Variants in DISP1 observed in about 807,000 individuals in gnomAD.
The protein encoded by DISP1 is dispatched RND transporter family member 1, also known as protein dispatched homolog 1.
A neutral mutation model predicts 37.3 loss-of-function variants in DISP1; 30 were observed. The ratio of observed to expected loss-of-function variants is 0.80; its 90% confidence interval spans 0.60 to 1.09. The LOEUF is 1.09. DISP1 is among the 50% of genes least tolerant of loss of function. The pLI, the probability that DISP1 is intolerant of heterozygous loss-of-function variation, is 0.00. For missense variants in DISP1, 1,598 were observed against 1,879.5 expected, an observed-to-expected ratio of 0.85 and a Z score of 2.77; for synonymous variants, 634 against 690.2, an observed-to-expected ratio of 0.92 and a Z score of 1.28.
At chr1:222,867,582 T>C (rs866242503) in intron 1 of DISP1, among the ~76,000 whole-genome samples, 4 of 152,174 alleles carry the variant, frequency 2.6e-5, no homozygotes, top group Non-Finnish European at 2.9e-5. Flanking sequence ...TATATTATCA[T>C]TGACTTCAGT....
chr1:222,994,276 G>A (rs1417098811), intron 7 of DISP1, among the ~76,000 whole-genome samples: 2 of 152,202 alleles, frequency 1.3e-5, no homozygotes, highest in African/African-American at 4.8e-5. Flanking sequence ...GACCATGCAT[G>A]CTCTTTCTGG....
At chr1:222,998,080 T>A (rs1227456543) in intron 8 of DISP1, among the ~76,000 whole-genome samples, 1 of 152,086 alleles carries the variant, frequency 6.6e-6, no homozygotes, top group African/African-American at 2.4e-5. Context: ...AATATATTCA[T>A]CTGATATCTT....
intron 4 of DISP1, among the ~76,000 whole-genome samples, chr1:222,983,436 G>A (rs1396171802): frequency 6.6e-6 from 1 of 152,024 alleles, no homozygotes; most frequent in Non-Finnish European, 1.5e-5. Context: ...GGCCAACATG[G>A]CAAAACCCCA....
chr1:222,829,051 A>G lies in DISP1; in HGVS notation c.-159+13973A>G, dbSNP rs139143403. ...ACTCTTTCATTTAGAGTCATAAGAA[A>G]TAAACTATTTGTTTGATGAAGAAGC... On this transcript the variant is annotated intron_variant, in intron 1 of 8. Coordinates refer to ENST00000675850, the MANE Select transcript of DISP1 (RefSeq NM_001377229.1). 4.4e-3 allele frequency among the ~76,000 whole-genome samples: 670 copies of G among 152,338 alleles called. 5 individuals are homozygous for G. The highest frequency in any genetic ancestry group is 0.015 in the African/African-American group (631 of 41,576).
rs763645744 is a variant in DISP1 at position 223,005,160 on chromosome 1, C to T, written c.3763C>T (p.Pro1255Ser). ...CGCTGGCTCTGCCTTGTTACAGCCC[C>T]CTCTTGAACAGCATACCGTGTGTCA... is the stretch of plus-strand genomic sequence containing the variant. ...SDAGSALLQP[P>S]LEQHTVCHFF... The change falls in exon 9 of 9, where the codon CCT becomes TCT. Residue 1255 changes from proline (P) to serine (S), a missense_variant. By Grantham distance (74) the Pro-to-Ser change is moderately conservative. Transcript: ENST00000675850. 1.2e-6 allele frequency: 2 copies of T among 1,614,180 alleles called. No homozygotes were observed. Among genetic ancestry groups the T allele is most frequent in the South Asian group, 2.2e-5 (2 of 91,086 alleles).
intron 1 of DISP1, among the ~76,000 whole-genome samples, chr1:222,835,399 A>G (rs1389580688): frequency 6.6e-6 from 1 of 152,178 alleles, no homozygotes; most frequent in Non-Finnish European, 1.5e-5. Flanking sequence ...ATCTTTGGTA[A>G]TACAGTTGAT....
chr1:222,900,048 T>C (rs887349932), intron 1 of DISP1, among the ~76,000 whole-genome samples: 89 of 152,342 alleles, frequency 5.8e-4, no homozygotes, highest in African/African-American at 2.0e-3. Context: ...GTTTAAGATA[T>C]GCTGTGTAAT....
chr1:222,938,659 G>A (rs556318930), intron 2 of DISP1, among the ~76,000 whole-genome samples: 28 of 150,722 alleles, frequency 1.9e-4, no homozygotes, highest in Non-Finnish European at 3.4e-4. Context: ...CTTGGGCCTG[G>A]GAGGTCTAGG....
At chr1:222,859,984 T>G (rs1668780800) in intron 1 of DISP1, among the ~76,000 whole-genome samples, 1 of 152,236 alleles carries the variant, frequency 6.6e-6, no homozygotes, top group Non-Finnish European at 1.5e-5. Context: ...CTAAGCAAAT[T>G]TTTAAAAAGA....
chr1:222,929,426 C>T (rs1442634863), intron 2 of DISP1, among the ~76,000 whole-genome samples: 2 of 152,050 alleles, frequency 1.3e-5, no homozygotes, highest in Non-Finnish European at 2.9e-5. Context: ...TCATGCACAT[C>T]ACTGACCATA....
chr1:222,976,829 T>C (rs1022582874), intron 3 of DISP1, among the ~76,000 whole-genome samples: 2 of 152,152 alleles, frequency 1.3e-5, no homozygotes, highest in Admixed American at 1.3e-4. Flanking sequence ...GAGGATAATT[T>C]TAGTTCCAAA....
At chr1:222,822,299 A>G (rs1318661336) in intron 1 of DISP1, among the ~76,000 whole-genome samples, 4 of 152,212 alleles carry the variant, frequency 2.6e-5, no homozygotes, top group East Asian at 1.9e-4. Context: ...GTGTTTAGCT[A>G]TCATTCTCAG....
intron 1 of DISP1, among the ~76,000 whole-genome samples, chr1:222,924,567 C>A (rs1039533603): frequency 1.3e-5 from 2 of 152,118 alleles, no homozygotes; most frequent in Non-Finnish European, 2.9e-5. Context: ...TATTTGTACT[C>A]TGGAAACATC....
chr1:222,842,703 A>G (rs984189992), intron 1 of DISP1, among the ~76,000 whole-genome samples: 32 of 152,068 alleles, frequency 2.1e-4, no homozygotes, highest in Non-Finnish European at 4.6e-4. Flanking sequence ...GGAGAGTCAC[A>G]GTATACATTA....
At chr1:222,945,896 A>G (rs553331506) in intron 3 of DISP1, 1 of 152,360 alleles carries the variant, frequency 6.6e-6, no homozygotes, top group East Asian at 1.9e-4. Flanking sequence ...GTTGCTTGGA[A>G]GTAAAGGCAG....
rs753980966 is a variant in DISP1, at chr1:223,004,474, C to A, written c.3077C>A (p.Ser1026Tyr). ...GGAACGATATTTGTCACTGTTGGTTCTCTTGTCCTGCTGGGCTGGGAGCTC... is the reference window on the plus strand; with the variant it reads ...GGAACGATATTTGTCACTGTTGGTTATCTTGTCCTGCTGGGCTGGGAGCTC... ...IAGTIFVTVG[S>Y]LVLLGWELNV... Residue 1026 changes from serine (S) to tyrosine (Y), a missense_variant, in exon 9 of 9, where the codon TCT (serine) becomes TAT (tyrosine). Physicochemically the swap from Ser to Tyr is moderately radical, Grantham distance 144 (BLOSUM62 -2). Transcript: ENST00000675850. The surrounding 1 kb of genome is among the most constrained non-coding windows in gnomAD (Gnocchi z 4.9). The A allele has an allele frequency of 1.1e-5, 17 of 1,614,112 alleles. No individual in the cohort carries two copies. The highest frequency in any genetic ancestry group is 1.3e-5 in the Non-Finnish European group (15 of 1,180,060).
At chr1:222,926,917 C>G (rs535390835) in intron 1 of DISP1, among the ~76,000 whole-genome samples, 12 of 152,220 alleles carry the variant, frequency 7.9e-5, no homozygotes, top group Non-Finnish European at 1.8e-4. Context: ...TTTTTCACCG[C>G]TCTGCCAATT....
At position 223,002,736 on chromosome 1, in the gene DISP1, C is replaced by T. The variant is rs1314051578; in HGVS notation, c.1339C>T (p.Pro447Ser). 7 of 1,614,012 alleles carry T rather than the reference C, an allele frequency of 4.3e-6. No individual in the cohort carries two copies. Among genetic ancestry groups the T allele is most frequent in the Non-Finnish European group, 3.4e-6 (4 of 1,180,034 alleles). ...CCCAAAGACGGCTGACTATGCCACGCCAGCTTTAAAATACAGCATGCTCTT... is the reference window on the plus strand; with the variant it reads ...CCCAAAGACGGCTGACTATGCCACGTCAGCTTTAAAATACAGCATGCTCTT... ...MTPKTADYATPALKYSMLFSP... is the reference protein window; with the variant it reads ...MTPKTADYATSALKYSMLFSP... Residue 447 changes from proline to serine, a missense_variant, in exon 9 of 9, where the codon CCA (proline) becomes TCA (serine). Pro to Ser is a moderately conservative substitution (Grantham distance 74). Coordinates refer to ENST00000675850, the MANE Select transcript of DISP1 (RefSeq NM_001377229.1).
At chr1:222,853,768 G>A (rs940712200) in intron 1 of DISP1, among the ~76,000 whole-genome samples, 1 of 152,082 alleles carries the variant, frequency 6.6e-6, no homozygotes, top group Admixed American at 6.6e-5. Context: ...GATAGGGAGA[G>A]GTTTGTTAAG....
Sources: gnomAD v4.1 joint callset for allele counts (sites outside exome capture counted in the v4.1 genomes callset) on GRCh38, gnomAD v4.1.1 for gene constraint, Gnocchi (gnomAD v3.1) non-coding constraint, MANE v1.5 for transcripts, NCBI Gene and HGNC (gene_info 2026-07-23, HGNC 2026-07-21) for gene names.